The following PKD2L2 variants were observed in gnomAD, a reference collection of about 807,000 sequenced individuals.
PKD2L2 encodes the protein polycystin 2 like 2, transient receptor potential cation channel, also known as polycystin-2-like protein 2.
Under a neutral mutation model 83.9 loss-of-function variants are expected in PKD2L2, and 67 were observed. The observed-to-expected ratio is 0.80, with a 90% CI of 0.66 to 0.98. The LOEUF (loss-of-function observed/expected upper bound fraction) is 0.98, where lower values mean the gene tolerates loss of function less well. Among genes scored for constraint, PKD2L2 ranks in the 50% least tolerant of loss-of-function variants. PKD2L2 has a pLI of 0.00. For synonymous variants in PKD2L2, 223 were observed against 237.8 expected, an observed-to-expected ratio of 0.94 and a Z score of 0.57; for missense variants, 632 against 717.2, an observed-to-expected ratio of 0.88 and a Z score of 1.36.
chr5:137,904,192 A>G (rs1014948356), intron 5 of PKD2L2, among the ~76,000 whole-genome samples: 7 of 152,262 alleles, frequency 4.6e-5, no homozygotes, highest in African/African-American at 1.7e-4. Context: ...TAAATTCAAT[A>G]TATAGTTGAT....
At chr5:137,896,897 C>G (rs1030278590) in intron 4 of PKD2L2, among the ~76,000 whole-genome samples, 1 of 148,236 alleles carries the variant, frequency 6.7e-6, no homozygotes. Context: ...AACAACCTGT[C>G]TTGAACTCCC....
chr5:137,919,326 A>T (rs1385228427), intron 8 of PKD2L2, among the ~76,000 whole-genome samples: 2 of 152,220 alleles, frequency 1.3e-5, no homozygotes, highest in East Asian at 3.8e-4. Context: ...AAGAAAAGAG[A>T]CACTGTATTT....
At chr5:137,911,757 TTC>T (rs746619299) in intron 8 of PKD2L2, among the ~76,000 whole-genome samples, 1 of 152,182 alleles carries the variant, frequency 6.6e-6, no homozygotes, top group Non-Finnish European at 1.5e-5. Context: ...CCAGAATTTA[TTC>T]TGTCTAACTG....
At chr5:137,925,196 T>C (rs1759280919) in intron 11 of PKD2L2, 92 bp downstream of exon 11, 1 of 820,278 alleles carries the variant, frequency 1.2e-6, no homozygotes, top group South Asian at 1.6e-5. Flanking sequence ...TTTTGTTTGT[T>C]TGTTTGTTTT....
rs376007574 is a variant in PKD2L2 at position 137,942,059 on chromosome 5, G to A, written c.*18-325G>A. On this transcript the variant is annotated intron_variant, in intron 14 of 14. Coordinates refer to ENST00000508883, the MANE Select transcript of PKD2L2 (RefSeq NM_001300921.2). ...AATAATTCAGGCCTAGAATTGAAAT[G>A]GTAAAATACTGAAGGGCACACTTGA... is the stretch of plus-strand genomic sequence containing the variant. 7 of 1,592,660 alleles carry A rather than the reference G, an allele frequency of 4.4e-6. No individual in the cohort carries two copies. The African/African-American group carries it at 9.4e-5, about 21-fold the overall frequency.
intron 14 of PKD2L2, chr5:137,942,157 C>A: frequency 1.3e-6 from 1 of 787,876 alleles, no homozygotes; most frequent in Non-Finnish European, 2.1e-6. Context: ...TTAGGTCTAC[C>A]AATGCCTAAG....
At position 137,919,638 on chromosome 5, in the gene PKD2L2, A is replaced by G. The variant is rs146280872; in HGVS notation, c.1329-1998A>G. Among the ~76,000 whole-genome samples the G allele has an allele frequency of 1.2e-3, 188 of 152,226 alleles. 4 individuals are homozygous for G. The highest frequency in any genetic ancestry group is 0.01 in the Middle Eastern group (3 of 294). ...TGAGACTTTCCACCAATTCCTTCCA[A>G]TTCAGTATTTTCTCTATCTTATGTA... On this transcript the variant is annotated intron_variant, in intron 8 of 14. Coordinates refer to ENST00000508883, the MANE Select transcript of PKD2L2 (RefSeq NM_001300921.2).
chr5:137,910,247 AATAATAAT>A (rs764338038), intron 8 of PKD2L2, among the ~76,000 whole-genome samples: 5,137 of 146,590 alleles, frequency 0.035, 123 homozygotes, highest in Middle Eastern at 0.057. Context: ...TAATAATAAT[AATAATAAT>A]AATAATAATA....
intron 4 of PKD2L2, among the ~76,000 whole-genome samples, chr5:137,897,026 CATTATTATATT>C (rs1318877381): frequency 8.3e-6 from 1 of 120,460 alleles, no homozygotes; most frequent in Non-Finnish European, 1.7e-5. Flanking sequence ...TATGATGATA[CATTATTATATT>C]ATTATTATTA....
chr5:137,926,787 A>C (rs1044654735), intron 12 of PKD2L2, among the ~76,000 whole-genome samples: 1 of 152,166 alleles, frequency 6.6e-6, no homozygotes, highest in African/African-American at 2.4e-5. Flanking sequence ...TTAAATGCGT[A>C]ATGTTTTAAC....
Position 137,892,669 on chromosome 5 carries a change from G to C in PKD2L2, c.267+56G>C. The C allele has an allele frequency of 3.6e-6, 5 of 1,389,026 alleles. No homozygotes were observed. The South Asian group carries it at 6.5e-5, about 18-fold the overall frequency. 86.0% of individuals were successfully genotyped at this position (1,389,026 alleles called of 1,614,324 possible). Reference sequence around the variant, plus strand: ...GATTTAGGTAGTCCATGAACCCTTGGCATACACAGTGGGCACTCAATGAAT... The same window carrying C: ...GATTTAGGTAGTCCATGAACCCTTGCCATACACAGTGGGCACTCAATGAAT... On this transcript the variant is annotated intron_variant, in intron 3 of 14. Transcript: ENST00000508883.
rs34015851 is a variant in PKD2L2 at position 137,933,050 on chromosome 5, C to CAAA, written c.1672-2733_1672-2731dup. On this transcript the variant is annotated intron_variant, in intron 12 of 14. Coordinates refer to ENST00000508883, the MANE Select transcript of PKD2L2 (RefSeq NM_001300921.2). ...AAACAGAACAAAAAACAAAACAAAC[C>CAAA]AAAAAAAAAAAAAAAACCCACGACC... Among the ~76,000 whole-genome samples, 238 of 122,692 alleles carry CAAA rather than the reference C, an allele frequency of 1.9e-3. 2 individuals carry two copies. Among genetic ancestry groups the CAAA allele is most frequent in the Non-Finnish European group, 2.0e-3 (117 of 58,232 alleles). 80.5% of individuals were successfully genotyped at this position (122,692 alleles called of 152,430 possible). A position where few individuals can be genotyped will look rare whatever the true frequency, so the allele number is the denominator to read the frequency against.
chr5:137,894,908 C>A (rs1756311750), intron 4 of PKD2L2, among the ~76,000 whole-genome samples: 1 of 152,178 alleles, frequency 6.6e-6, no homozygotes, highest in Non-Finnish European at 1.5e-5. Flanking sequence ...GTCAATTAAT[C>A]TGCTTTTCTG....
Position 137,942,747 on chromosome 5 carries a change from A to G in PKD2L2, c.*381A>G. 1.4e-6 allele frequency: 1 copy of G among 690,702 alleles called. No homozygotes were observed. Among genetic ancestry groups the G allele is most frequent in the Non-Finnish European group, 2.3e-6 (1 of 436,722 alleles). The allele number at this position is 690,702 out of a possible 1,614,324, so 42.8% of individuals were successfully genotyped here. ...AAATATTTGCAAATCACACTTGAAA[A>G]GCATGTGTCCTTTGATAAATTCTTG... On this transcript the variant is annotated 3_prime_UTR_variant, in exon 15 of 15. Transcript: ENST00000508883.
At chr5:137,928,541 C>T (rs1031397165) in intron 12 of PKD2L2, among the ~76,000 whole-genome samples, 1 of 152,210 alleles carries the variant, frequency 6.6e-6, no homozygotes, top group Non-Finnish European at 1.5e-5. Context: ...AGGTGATCCT[C>T]CCACCTCAGC....
At chr5:137,917,534 T>G (rs951637217) in intron 8 of PKD2L2, among the ~76,000 whole-genome samples, 1 of 152,222 alleles carries the variant, frequency 6.6e-6, no homozygotes. Context: ...TCATTGATTC[T>G]TTTTTCTGCC....
rs1756357385 is a variant in PKD2L2, at chr5:137,895,358, G to A, written c.524+749G>A. Among the ~76,000 whole-genome samples, 3 of 151,050 alleles carry A rather than the reference G, an allele frequency of 2.0e-5. No homozygotes were observed. In the South Asian group the frequency reaches 6.3e-4, roughly 32 times the overall value. Reference sequence around the variant, plus strand: ...TGGGGCTTGCTTACCTGTAGTCCAAGATACTCGGGAGGCTGATCCAGGAGG... The same window carrying A: ...TGGGGCTTGCTTACCTGTAGTCCAAAATACTCGGGAGGCTGATCCAGGAGG... On this transcript the variant is annotated intron_variant, in intron 4 of 14. Transcript: ENST00000508883.
At chr5:137,940,224 C>A in intron 14 of PKD2L2, 1 of 1,613,912 alleles carries the variant, frequency 6.2e-7, no homozygotes, top group Non-Finnish European at 8.5e-7. Flanking sequence ...AGGAACGTAT[C>A]TTATATGGAT....
chr5:137,927,892 C>T (rs757253067), intron 12 of PKD2L2, among the ~76,000 whole-genome samples: 10 of 152,078 alleles, frequency 6.6e-5, no homozygotes, highest in Non-Finnish European at 1.3e-4. Flanking sequence ...AGGCCGGGTG[C>T]GGTGGCTCAC....
Sources: allele counts gnomAD v4.1 joint callset (sites outside exome capture counted in the v4.1 genomes callset), GRCh38; gene constraint gnomAD v4.1.1; transcripts MANE v1.5; gene names NCBI Gene and HGNC (gene_info 2026-07-23, HGNC 2026-07-21).